Variants in MTHFD1L observed in about 807,000 individuals in gnomAD.
MTHFD1L encodes methylenetetrahydrofolate dehydrogenase (NADP+ dependent) 1 like, also known as monofunctional C1-tetrahydrofolate synthase, mitochondrial.
In MTHFD1L, 81 loss-of-function variants were observed where a neutral mutation model predicts 119.5. That is an observed-to-expected ratio of 0.68 (90% CI 0.57 to 0.82). The LOEUF is 0.82. MTHFD1L is among the 40% of genes least tolerant of loss of function. The pLI is 0.00. For missense variants in MTHFD1L, 1,125 were observed against 1,253.4 expected, an observed-to-expected ratio of 0.90 and a Z score of 1.55; for synonymous variants, 430 against 475.2, an observed-to-expected ratio of 0.90 and a Z score of 1.24.
chr6:150,895,613 GTTT>G (rs10630027), intron 7 of MTHFD1L, among the ~76,000 whole-genome samples: 2 of 134,444 alleles, frequency 1.5e-5, no homozygotes, highest in African/African-American at 2.7e-5. Flanking sequence ...GTTTTTTGTG[GTTT>G]TTTTTTTTTT....
chr6:150,870,961 ATT>A (rs200872419), intron 1 of MTHFD1L, among the ~76,000 whole-genome samples: 14,280 of 145,336 alleles, frequency 0.098, 793 homozygotes, highest in Middle Eastern at 0.17. Context: ...ATATATATAT[ATT>A]ATATATATAA....
At chr6:150,970,322 G>C (rs542940226) in intron 19 of MTHFD1L, among the ~76,000 whole-genome samples, 2 of 152,210 alleles carry the variant, frequency 1.3e-5, no homozygotes, top group Non-Finnish European at 2.9e-5. Flanking sequence ...AAAACAGTGA[G>C]AGCTGTTAAC....
intron 6 of MTHFD1L, among the ~76,000 whole-genome samples, chr6:150,886,576 C>CT (rs11399576): frequency 0.13 from 19,658 of 151,968 alleles, 1,331 homozygotes; most frequent in Middle Eastern, 0.19. Flanking sequence ...GTCCCCTTGA[C>CT]TTGGCGTTTT....
rs575841208 is a variant in MTHFD1L, at chr6:150,914,135, C to CA, written c.893-4436dup. On this transcript the variant is annotated intron_variant, in intron 8 of 27. Transcript: ENST00000367321. ...ACAGAGCAACAGTCCGTCTCAAAAA[C>CA]AAAAAACAAAAATTAGCCAGGCATT... 3.8e-4 allele frequency among the ~76,000 whole-genome samples: 57 copies of CA among 150,706 alleles called. 3 individuals carry two copies. The East Asian group carries it at 0.011, about 29-fold the overall frequency.
At chr6:150,875,702 TCC>T (rs1258284160) in intron 1 of MTHFD1L, among the ~76,000 whole-genome samples, 2 of 152,036 alleles carry the variant, frequency 1.3e-5, no homozygotes, top group African/African-American at 4.8e-5. Flanking sequence ...TTATTTGCTT[TCC>T]CCATGGACCC....
chr6:150,972,106 C>G, intron 20 of MTHFD1L, 48 bp downstream of exon 20: 1 of 1,510,938 alleles, frequency 6.6e-7, no homozygotes, highest in Non-Finnish European at 9.2e-7. Flanking sequence ...TTGAAGAAAT[C>G]TAAAAGCTGA....
At chr6:150,866,743 G>A in intron 1 of MTHFD1L, 4 of 1,036,408 alleles carry the variant, frequency 3.9e-6, no homozygotes, top group Non-Finnish European at 4.7e-6. Context: ...AGCTGGGTTT[G>A]CAGGGTTTTC....
chr6:150,968,612 C>T (rs1157414888), intron 19 of MTHFD1L, among the ~76,000 whole-genome samples: 1 of 151,814 alleles, frequency 6.6e-6, no homozygotes, highest in Non-Finnish European at 1.5e-5. Context: ...CAGGTTCAAG[C>T]GATTCTCTTG....
At chr6:150,900,615 C>A (rs1306347295) in intron 7 of MTHFD1L, among the ~76,000 whole-genome samples, 1 of 152,216 alleles carries the variant, frequency 6.6e-6, no homozygotes, top group Non-Finnish European at 1.5e-5. Flanking sequence ...TTCCTCCTAC[C>A]CCTTCTAAGG....
chr6:150,870,072 T>C (rs967528905), intron 1 of MTHFD1L, among the ~76,000 whole-genome samples: 4 of 152,224 alleles, frequency 2.6e-5, no homozygotes, highest in African/African-American at 9.6e-5. Flanking sequence ...CCCTGGCCAG[T>C]AATAATACAT....
At chr6:150,905,118 C>T (rs1011033310) in intron 7 of MTHFD1L, among the ~76,000 whole-genome samples, 2 of 147,244 alleles carry the variant, frequency 1.4e-5, no homozygotes, top group Non-Finnish European at 3.0e-5. Flanking sequence ...ACTGCAACCT[C>T]TGCCTCCTGG....
chr6:150,903,203 ATTTTTTTTT>A (rs774695918), intron 7 of MTHFD1L, among the ~76,000 whole-genome samples: 909 of 85,464 alleles, frequency 0.011, 33 homozygotes, highest in Admixed American at 0.025. Context: ...TGGCTGCAAA[ATTTTTTTTT>A]TTTTTTTTTT....
chr6:150,983,792 T>C (rs939812150), intron 20 of MTHFD1L, among the ~76,000 whole-genome samples: 6 of 152,220 alleles, frequency 3.9e-5, no homozygotes, highest in African/African-American at 1.4e-4. Flanking sequence ...TGTTTTGTTT[T>C]GTTTTTAATT....
At position 150,949,044 on chromosome 6, in the gene MTHFD1L, A is replaced by G; in HGVS notation, c.1637A>G (p.Asn546Ser). The change falls in exon 16 of 28, where the codon AAT becomes AGT. Residue 546 changes from asparagine to serine, a missense_variant. Coordinates refer to ENST00000367321, the MANE Select transcript of MTHFD1L (RefSeq NM_015440.5). The stretch of plus-strand genomic sequence containing the variant: ...CTTAATCATTAGAAACTGGGAATAA[A>G]TAAGACTGATCCGAGCACACTGACA... ...QLARLKKLGI[N>S]KTDPSTLTEE... The G allele has an allele frequency of 6.2e-7, 1 of 1,613,872 alleles. No individual in the cohort carries two copies.
At chr6:150,899,176 C>T (rs1583452559) in intron 7 of MTHFD1L, among the ~76,000 whole-genome samples, 1 of 152,116 alleles carries the variant, frequency 6.6e-6, no homozygotes, top group South Asian at 2.1e-4. Context: ...AACTTAGGAA[C>T]ATTTAGAAAA....
chr6:150,996,523 A>T (rs567319041), intron 20 of MTHFD1L, among the ~76,000 whole-genome samples: 1 of 152,214 alleles, frequency 6.6e-6, no homozygotes, highest in East Asian at 1.9e-4. Context: ...TTTAGCCTTC[A>T]ATGTTAATTT....
rs201726822 is a variant in MTHFD1L, at chr6:150,974,736, T to A, written c.2125+2678T>A. Among the ~76,000 whole-genome samples the A allele has an allele frequency of 1.1e-4, 16 of 150,408 alleles. No homozygotes were observed. The East Asian group carries it at 1.4e-3, about 13-fold the overall frequency. ...CAGAATTCTCTTCCTTTTTTTTTTT[T>A]TTTTTTTTATTTTTTGTGAGATGGA... On this transcript the variant is annotated intron_variant, in intron 20 of 27. Coordinates refer to ENST00000367321, the MANE Select transcript of MTHFD1L (RefSeq NM_015440.5).
At chr6:150,983,546 G>A (rs888383451) in intron 20 of MTHFD1L, among the ~76,000 whole-genome samples, 9 of 152,098 alleles carry the variant, frequency 5.9e-5, no homozygotes, top group South Asian at 2.1e-4. Flanking sequence ...CATCCAAGGC[G>A]AGTGCAGATG....
intron 27 of MTHFD1L, chr6:151,099,630 G>A (rs1795192368): frequency 6.2e-7 from 1 of 1,607,186 alleles, no homozygotes; most frequent in South Asian, 1.1e-5. Context: ...AGCGTAACTG[G>A]TGGAAACCCA....
Sources: gnomAD v4.1 joint callset for allele counts (sites outside exome capture counted in the v4.1 genomes callset) on GRCh38, gnomAD v4.1.1 for gene constraint, MANE v1.5 for transcripts, NCBI Gene and HGNC (gene_info 2026-07-23, HGNC 2026-07-21) for gene names.